LIMA1: variants seen among roughly 807,000 people sequenced by gnomAD.
The protein encoded by LIMA1 is LIM domain and actin binding 1.
In LIMA1, 52 loss-of-function variants were observed where a neutral mutation model predicts 62.6. The ratio of observed to expected loss-of-function variants is 0.83; its 90% CI spans 0.67 to 1.05. The LOEUF (loss-of-function observed/expected upper bound fraction) is 1.05, where lower values mean the gene tolerates loss of function less well. Among genes scored for constraint, LIMA1 ranks in the 50% least tolerant of loss-of-function variants. The pLI, the probability that LIMA1 is intolerant of heterozygous loss-of-function variation, is 0.00. For missense variants in LIMA1, 780 were observed against 902.2 expected (o/e 0.86, Z 1.74); for synonymous variants, 302 against 317.8 (o/e 0.95, Z 0.53).
Position 50,177,713 on chromosome 12 carries a change from G to A in LIMA1, c.1631C>T (p.Ala544Val). 6.2e-7 allele frequency: 1 copy of A among 1,612,918 alleles called. No individual in the cohort carries two copies. The highest frequency in any genetic ancestry group is 8.5e-7 in the Non-Finnish European group (1 of 1,179,626). ...PPTELGSSGS[A>V]LEEGIKMSKP... ...TGACATTTTGATCCCTTCCTCCAAG[G>A]CACTTCCTGAACTTCCAAGTTCAGT... The change falls in exon 11 of 11, where the codon GCC becomes GTC. Residue 544 changes from alanine (A) to valine (V), a missense_variant. Coordinates refer to ENST00000341247, the MANE Select transcript of LIMA1 (RefSeq NM_016357.5).
In LIMA1 at chr12:50,248,812, G is replaced by A. The variant is rs1941887985; in HGVS notation, c.-23-38C>T. 4 of 1,045,526 alleles carry A rather than the reference G, an allele frequency of 3.8e-6. No individual in the cohort carries two copies. In the Admixed American group the frequency reaches 7.1e-5, roughly 18 times the overall value. The allele number at this position is 1,045,526 out of a possible 1,614,324, so 64.8% of individuals were successfully genotyped here. A position where few individuals can be genotyped will look rare whatever the true frequency, so the allele number is the denominator to read the frequency against. ...GAAAGTCAGAACATTAGACACAGAA[G>A]AGGATTCTCCAACATCCAAGGATTG... is the stretch of plus-strand genomic sequence containing the variant. On this transcript the variant is annotated intron_variant, in intron 1 of 10. Transcript: ENST00000341247.
chr12:50,204,519 T>G, intron 6 of LIMA1, 33 bp downstream of exon 6: 2 of 1,542,282 alleles, frequency 1.3e-6, no homozygotes, highest in Middle Eastern at 1.7e-4. Context: ...GATGATGGAA[T>G]GAATGAATGA....
chr12:50,228,741 T>C (rs1565850018), intron 3 of LIMA1, among the ~76,000 whole-genome samples: 1 of 152,348 alleles, frequency 6.6e-6, no homozygotes, highest in East Asian at 1.9e-4. Context: ...GATGTCTTAA[T>C]AAAACATGTT....
intron 1 of LIMA1, among the ~76,000 whole-genome samples, chr12:50,282,591 C>A (rs531457549): frequency 2.0e-3 from 298 of 152,314 alleles, no homozygotes; most frequent in Non-Finnish European, 3.4e-3. Flanking sequence ...TCTCAAACAC[C>A]TGGGCTCAAG....
chr12:50,196,494 G>A (rs931013337), intron 7 of LIMA1, among the ~76,000 whole-genome samples: 2 of 152,058 alleles, frequency 1.3e-5, no homozygotes, highest in Admixed American at 6.6e-5. Flanking sequence ...CAGATCTTAC[G>A]TATAGGTGTA....
chr12:50,193,993 A>ATTTTTTT (rs1481927698), intron 8 of LIMA1, among the ~76,000 whole-genome samples: 1 of 43,254 alleles, frequency 2.3e-5, no homozygotes, highest in Non-Finnish European at 5.8e-5. Flanking sequence ...ATATATATAT[A>ATTTTTTT]TATATTTTTT....
chr12:50,210,947 G>A (rs1425034470), intron 4 of LIMA1, among the ~76,000 whole-genome samples: 1 of 152,090 alleles, frequency 6.6e-6, no homozygotes, highest in Admixed American at 6.6e-5. Context: ...AGGTAAGATG[G>A]GTTTTCATGA....
At chr12:50,281,212 G>T (rs1237248872) in intron 1 of LIMA1, among the ~76,000 whole-genome samples, 2 of 152,098 alleles carry the variant, frequency 1.3e-5, no homozygotes, top group Admixed American at 1.3e-4. Flanking sequence ...TAAGTTAATT[G>T]CAGTTAACTG....
chr12:50,175,864 A>G lies in LIMA1; in HGVS notation c.*1200T>C, dbSNP rs1001076977. The G allele has an allele frequency of 2.6e-5, 4 of 152,198 alleles. No homozygotes were observed. The highest frequency in any genetic ancestry group is 9.6e-5 in the African/African-American group (4 of 41,462). The allele number at this position is 152,198 out of a possible 1,614,324, so 9.4% of individuals were successfully genotyped here. A position where few individuals can be genotyped will look rare whatever the true frequency, so the allele number is the denominator to read the frequency against. ...AGACTAAGAAAGCAGAATGTTTTAC[A>G]TCTCTAAAAAATATTAAAGCTAAAT... is the stretch of plus-strand genomic sequence containing the variant. On this transcript the variant is annotated 3_prime_UTR_variant, in exon 11 of 11. Coordinates refer to ENST00000341247, the MANE Select transcript of LIMA1 (RefSeq NM_016357.5).
chr12:50,195,270 A>T (rs1940903606), intron 8 of LIMA1, among the ~76,000 whole-genome samples: 1 of 151,046 alleles, frequency 6.6e-6, no homozygotes, highest in Non-Finnish European at 1.5e-5. Flanking sequence ...AGTAAAAAAC[A>T]AAAAAAAACA....
At position 50,175,892 on chromosome 12, in the gene LIMA1, C is replaced by G. The variant is rs1032554808; in HGVS notation, c.*1172G>C. 5 of 152,146 alleles carry G rather than the reference C, an allele frequency of 3.3e-5. No homozygotes were observed. Among genetic ancestry groups the G allele is most frequent in the Non-Finnish European group, 5.9e-5 (4 of 68,028 alleles). The allele number at this position is 152,146 out of a possible 1,614,324, so 9.4% of individuals were successfully genotyped here. A position where few individuals can be genotyped will look rare whatever the true frequency, so the allele number is the denominator to read the frequency against. ...TCTAAAAAATATTAAAGCTAAATCT[C>G]TATAAATGCAGTACAAAGAAAAGCC... is the stretch of plus-strand genomic sequence containing the variant. On this transcript the variant is annotated 3_prime_UTR_variant, in exon 11 of 11. Transcript: ENST00000341247.
At chr12:50,271,224 C>G (rs1942208128) in intron 1 of LIMA1, among the ~76,000 whole-genome samples, 1 of 151,844 alleles carries the variant, frequency 6.6e-6, no homozygotes, top group South Asian at 2.1e-4. Context: ...TGAGCCGTGA[C>G]TATGCCACTG....
rs1941040451 is a variant in LIMA1, at chr12:50,201,096, T to C, written c.865-212A>G. On this transcript the variant is annotated intron_variant, in intron 6 of 10. Transcript: ENST00000341247. ...CACATACCTCAGAGTTAAATATCTGTATGCTAGTGTAAAACTGGATTGCTC... is the reference window on the plus strand; with the variant it reads ...CACATACCTCAGAGTTAAATATCTGCATGCTAGTGTAAAACTGGATTGCTC... The C allele has an allele frequency of 2.3e-6, 3 of 1,332,436 alleles. No individual in the cohort carries two copies. In the African/African-American group the frequency reaches 4.5e-5, roughly 20 times the overall value. The allele number at this position is 1,332,436 out of a possible 1,614,324, so 82.5% of individuals were successfully genotyped here.
intron 2 of LIMA1, among the ~76,000 whole-genome samples, chr12:50,243,921 T>TC (rs1941811831): frequency 6.7e-6 from 1 of 150,200 alleles, no homozygotes; most frequent in Admixed American, 6.6e-5. Context: ...ATATATTTCT[T>TC]TTTTTTTTTC....
intron 1 of LIMA1, among the ~76,000 whole-genome samples, chr12:50,276,342 G>A (rs911489988): frequency 8.5e-5 from 13 of 152,116 alleles, no homozygotes; most frequent in African/African-American, 2.4e-4. Flanking sequence ...GATGCATGGC[G>A]TACAGGGACT....
intron 3 of LIMA1, among the ~76,000 whole-genome samples, chr12:50,225,679 A>G (rs1227894282): frequency 6.6e-6 from 1 of 152,098 alleles, no homozygotes; most frequent in Non-Finnish European, 1.5e-5. Flanking sequence ...CAGCCTCTCA[A>G]GTAGCTGGGC....
At chr12:50,254,975 A>C (rs1423528507) in intron 1 of LIMA1, among the ~76,000 whole-genome samples, 2 of 151,388 alleles carry the variant, frequency 1.3e-5, no homozygotes, top group African/African-American at 4.9e-5. Context: ...CAGAAGAAAA[A>C]TTGTGTCACT....
At chr12:50,188,688 A>C (rs1940686270) in intron 9 of LIMA1, 1 of 152,238 alleles carries the variant, frequency 6.6e-6, no homozygotes, top group Non-Finnish European at 1.5e-5. Flanking sequence ...CCTGGTGCCA[A>C]AGGAGACCTA....
At chr12:50,257,519 T>G (rs1045782281) in intron 1 of LIMA1, among the ~76,000 whole-genome samples, 2 of 152,194 alleles carry the variant, frequency 1.3e-5, no homozygotes, top group African/African-American at 4.8e-5. Context: ...TTAGGCATAA[T>G]TGATACCTGT....
Sources: gnomAD v4.1 joint callset for allele counts (sites outside exome capture counted in the v4.1 genomes callset) on GRCh38, gnomAD v4.1.1 for gene constraint, MANE v1.5 for transcripts, NCBI Gene and HGNC (gene_info 2026-07-23, HGNC 2026-07-21) for gene names.